TBX15: variants seen among roughly 807,000 people sequenced by gnomAD.
TBX15 encodes T-box transcription factor TBX15.
In TBX15, 18 loss-of-function variants were observed where a neutral mutation model predicts 53.9. The observed-to-expected ratio is 0.33, with a 90% CI of 0.23 to 0.49. The LOEUF is 0.49. Among genes scored for constraint, TBX15 ranks in the 20% least tolerant of loss-of-function variants. The probability of loss-of-function intolerance (pLI) is 0.98; values close to 1 mark genes in which losing one functional copy is unlikely to be tolerated. For synonymous variants in TBX15, 295 were observed against 278.0 expected (o/e 1.06, Z -0.61); for missense variants, 692 against 749.5 (o/e 0.92, Z 0.90).
At chr1:118,918,900 C>T (rs564255159) in intron 5 of TBX15, among the ~76,000 whole-genome samples, 3 of 152,092 alleles carry the variant, frequency 2.0e-5, no homozygotes, top group East Asian at 1.9e-4. Flanking sequence ...TAACACTCTT[C>T]GTTATTTTTA....
At chr1:118,889,364 G>A (rs1654057055) in intron 7 of TBX15, among the ~76,000 whole-genome samples, 2 of 152,144 alleles carry the variant, frequency 1.3e-5, no homozygotes, top group African/African-American at 4.8e-5. Flanking sequence ...CAAAGAGGGA[G>A]CCCATCCTCT....
intron 1 of TBX15, among the ~76,000 whole-genome samples, chr1:118,940,935 C>T (rs1203612252): frequency 3.3e-5 from 5 of 149,832 alleles, no homozygotes; most frequent in Admixed American, 6.6e-5. Context: ...AAATGTTCAA[C>T]CTAAGTACCT....
intron 1 of TBX15, among the ~76,000 whole-genome samples, chr1:118,977,703 T>G (rs78771017): frequency 6.6e-6 from 1 of 152,234 alleles, no homozygotes; most frequent in Non-Finnish European, 1.5e-5. Context: ...GGCACAGTTT[T>G]GCATCTGACC....
chr1:118,919,989 A>T (rs1233115437), intron 5 of TBX15, among the ~76,000 whole-genome samples: 1 of 152,168 alleles, frequency 6.6e-6, no homozygotes, highest in Non-Finnish European at 1.5e-5. Context: ...TTTTCAGTGG[A>T]CCATAAAAAA....
chr1:118,885,633 C>T (rs1043299173), intron 7 of TBX15, 117 bp from the exon 8 acceptor site: 2 of 1,299,252 alleles, frequency 1.5e-6, no homozygotes, highest in Non-Finnish European at 2.2e-6. Flanking sequence ...CTGATTTTTA[C>T]AGAACCATTT....
At chr1:118,904,136 A>C (rs1654731985) in intron 6 of TBX15, among the ~76,000 whole-genome samples, 1 of 152,170 alleles carries the variant, frequency 6.6e-6, no homozygotes, top group African/African-American at 2.4e-5. Flanking sequence ...GGCAGTAGAC[A>C]CCATGAGCAT....
chr1:118,988,959 A>T (rs550182263), upstream of TBX15, among the ~76,000 whole-genome samples: 1 of 152,330 alleles, frequency 6.6e-6, no homozygotes, highest in South Asian at 2.1e-4. Context: ...CCTGGTGGAG[A>T]AGGAGACACA....
At chr1:118,900,794 GAT>G (rs1334755432) in intron 6 of TBX15, among the ~76,000 whole-genome samples, 3 of 152,146 alleles carry the variant, frequency 2.0e-5, no homozygotes, top group African/African-American at 7.2e-5. Context: ...ACTGAGCCTG[GAT>G]GGATAGAAGA....
chr1:118,919,819 A>C (rs1021818698), intron 5 of TBX15, among the ~76,000 whole-genome samples: 11 of 152,304 alleles, frequency 7.2e-5, no homozygotes, highest in Admixed American at 6.5e-4. Flanking sequence ...TCATTCTACC[A>C]AATGGAGACA....
Position 118,899,092 on chromosome 1 carries a change from T to C in TBX15, c.960A>G (p.Ala320=), listed in dbSNP as rs1434277967. ...GTGTGCGCACAGGAGGTCTCCAGAA[T>C]GCATATGTCTCCATGATGGCTTCAA... is the stretch of plus-strand genomic sequence containing the variant. ...TGLEAIMETY[A]FWRPPVRTLT... is the part of the protein sequence containing the mutation. The change falls in exon 7 of 8, where the codon GCA becomes GCG. Residue 320 remains alanine, a synonymous_variant. Coordinates refer to ENST00000369429, the MANE Select transcript of TBX15 (RefSeq NM_001330677.2). 5 of 1,613,522 alleles carry C rather than the reference T, an allele frequency of 3.1e-6. No individual in the cohort carries two copies. Among genetic ancestry groups the C allele is most frequent in the African/African-American group, 1.3e-5 (1 of 74,890 alleles).
chr1:118,982,023 C>T (rs1056681080), intron 1 of TBX15, among the ~76,000 whole-genome samples: 3 of 152,328 alleles, frequency 2.0e-5, no homozygotes, highest in African/African-American at 7.2e-5. Context: ...ACATAAAGCT[C>T]AGATGGGAAA....
chr1:118,934,735 G>A (rs1655909431), intron 1 of TBX15, among the ~76,000 whole-genome samples: 1 of 152,196 alleles, frequency 6.6e-6, no homozygotes, highest in African/African-American at 2.4e-5. Flanking sequence ...AAGTCCAGAA[G>A]AGAAAGAGAT....
At chr1:118,901,829 T>A (rs962217780) in intron 6 of TBX15, among the ~76,000 whole-genome samples, 8 of 151,922 alleles carry the variant, frequency 5.3e-5, no homozygotes, top group African/African-American at 1.7e-4. Flanking sequence ...CCACAAGGAG[T>A]CCACCTGCCA....
intron 4 of TBX15, 44 bp from the exon 5 acceptor site, chr1:118,923,647 C>A (rs377226325): frequency 1.2e-6 from 2 of 1,612,046 alleles, no homozygotes; most frequent in South Asian, 2.2e-5. Flanking sequence ...CTTTAAGGAA[C>A]CTACATTTTG....
At chr1:118,973,779 C>T (rs1307463940) in intron 1 of TBX15, among the ~76,000 whole-genome samples, 2 of 152,142 alleles carry the variant, frequency 1.3e-5, no homozygotes, top group East Asian at 3.9e-4. Context: ...CACATACACA[C>T]ACACACACGC....
In TBX15 at chr1:118,893,427, T is replaced by TGGAA. The variant is rs1188594449; in HGVS notation, c.1024+5597_1024+5600dup. Reference sequence around the variant, plus strand: ...AAAGAAAGGAAGAAGGAAAGAAAGATGGAAGGAAGGAAGGAAGGAAAGAAG... The same window carrying TGGAA: ...AAAGAAAGGAAGAAGGAAAGAAAGATGGAAGGAAGGAAGGAAGGAAGGAAAGAAG... On this transcript the variant is annotated intron_variant, in intron 7 of 7. Transcript: ENST00000369429. Among the ~76,000 whole-genome samples the TGGAA allele has an allele frequency of 6.5e-3, 246 of 37,786 alleles. 21 individuals are homozygous for TGGAA. The highest frequency in any genetic ancestry group is 0.03 in the African/African-American group (227 of 7,512). 24.8% of individuals were successfully genotyped at this position (37,786 alleles called of 152,430 possible). A position where few individuals can be genotyped will look rare whatever the true frequency, so the allele number is the denominator to read the frequency against.
chr1:118,961,062 C>A (rs865934364), intron 1 of TBX15, among the ~76,000 whole-genome samples: 5 of 152,070 alleles, frequency 3.3e-5, no homozygotes, highest in African/African-American at 1.2e-4. Flanking sequence ...GAGTGGTGGC[C>A]CCCAAGGACT....
At chr1:118,950,058 C>T (rs1033170737) in intron 1 of TBX15, among the ~76,000 whole-genome samples, 2 of 152,174 alleles carry the variant, frequency 1.3e-5, no homozygotes, top group Non-Finnish European at 2.9e-5. Context: ...AAACCAGCTC[C>T]TAGCATGGGC....
chr1:118,958,253 C>G lies in TBX15; in HGVS notation c.206-26421G>C, dbSNP rs1290957739. 2.0e-5 allele frequency among the ~76,000 whole-genome samples: 3 copies of G among 152,318 alleles called. No homozygotes were observed. In the East Asian group the frequency reaches 5.8e-4, roughly 29 times the overall value. On this transcript the variant is annotated intron_variant, in intron 1 of 7. Transcript: ENST00000369429. ...GAAGAGGCAGCAGAGAGTTTGTTCT[C>G]TCTCTCTACCATGTGGATGGCCATC...
Sources: gnomAD v4.1 joint callset for allele counts (sites outside exome capture counted in the v4.1 genomes callset) on GRCh38, gnomAD v4.1.1 for gene constraint, MANE v1.5 for transcripts, NCBI Gene and HGNC (gene_info 2026-07-23, HGNC 2026-07-21) for gene names.